The following TMPRSS15 variants were observed in gnomAD, a reference collection of about 807,000 sequenced individuals.
TMPRSS15 encodes enteropeptidase.
TMPRSS15 carries 128 observed loss-of-function variants against 125.3 expected under a neutral mutation model. The ratio of observed to expected loss-of-function variants is 1.02; its 90% CI spans 0.89 to 1.18. TMPRSS15 has a LOEUF of 1.18. TMPRSS15 is among the 50% of genes most tolerant of loss of function. The probability of loss-of-function intolerance (pLI) is 0.00; values close to 1 mark genes in which losing one functional copy is unlikely to be tolerated. For missense variants in TMPRSS15, 1,283 were observed against 1,212.7 expected, an observed-to-expected ratio of 1.06 and a Z score of -0.86; for synonymous variants, 446 against 423.2, an observed-to-expected ratio of 1.05 and a Z score of -0.66.
chr21:18,424,543 C>T (rs1174415955), intron 1 of TMPRSS15, among the ~76,000 whole-genome samples: 2 of 152,128 alleles, frequency 1.3e-5, no homozygotes, highest in Non-Finnish European at 2.9e-5. Flanking sequence ...TTCATAAAAG[C>T]CATCATGTTG....
intron 6 of TMPRSS15, among the ~76,000 whole-genome samples, chr21:18,365,644 TTCCTC>T (rs1429779603): frequency 1.8e-5 from 1 of 54,098 alleles, no homozygotes; most frequent in African/African-American, 6.1e-5. Flanking sequence ...CTCTCTCTTT[TTCCTC>T]CCTTCCTTCC....
chr21:18,320,401 A>AT (rs1265047349), intron 16 of TMPRSS15, among the ~76,000 whole-genome samples: 2 of 152,116 alleles, frequency 1.3e-5, no homozygotes, highest in Non-Finnish European at 2.9e-5. Context: ...TAAAAAATGA[A>AT]TTCTCAATGA....
At chr21:18,443,724 T>G (rs1280853710) in intron 1 of TMPRSS15, among the ~76,000 whole-genome samples, 1 of 152,198 alleles carries the variant, frequency 6.6e-6, no homozygotes, top group Admixed American at 6.5e-5. Context: ...CTGTCCGAAC[T>G]CAGCCAGTGG....
At chr21:18,285,762 C>A (rs940222287) in intron 21 of TMPRSS15, among the ~76,000 whole-genome samples, 1 of 152,082 alleles carries the variant, frequency 6.6e-6, no homozygotes, top group Non-Finnish European at 1.5e-5. Flanking sequence ...ATTATCATTA[C>A]CACAGTTAAA....
intron 1 of TMPRSS15, among the ~76,000 whole-genome samples, chr21:18,462,468 C>T (rs1356790538): frequency 1.3e-5 from 2 of 151,682 alleles, no homozygotes; most frequent in African/African-American, 4.8e-5. Context: ...AGATAAATCA[C>T]TATTAGACAT....
rs539902171 is a variant in TMPRSS15 at position 18,277,384 on chromosome 21, T to C, written c.2764+1580A>G. ...AATTTTGTTATTGGTTAATTTGTTT[T>C]TGAAGAGCCTACACTGTGGTCATAA... On this transcript the variant is annotated intron_variant, in intron 23 of 24. Transcript: ENST00000284885. Among the ~76,000 whole-genome samples the C allele has an allele frequency of 4.6e-5, 7 of 152,332 alleles. No homozygotes were observed. The South Asian group carries it at 8.3e-4, about 18-fold the overall frequency.
chr21:18,457,900 C>G (rs982130741), intron 1 of TMPRSS15, among the ~76,000 whole-genome samples: 1 of 152,138 alleles, frequency 6.6e-6, no homozygotes, highest in Non-Finnish European at 1.5e-5. Flanking sequence ...GAATAACCAA[C>G]TGATTTTGGG....
intron 24 of TMPRSS15, among the ~76,000 whole-genome samples, chr21:18,271,752 T>G (rs1380791471): frequency 1.3e-5 from 2 of 152,184 alleles, no homozygotes; most frequent in Middle Eastern, 3.4e-3. Context: ...CAACAGGCCC[T>G]GGTGTGTGTT....
chr21:18,361,780 T>G (rs2075681727), intron 7 of TMPRSS15, among the ~76,000 whole-genome samples: 1 of 152,074 alleles, frequency 6.6e-6, no homozygotes, highest in African/African-American at 2.4e-5. Context: ...CAATGGCAGC[T>G]ACTAGCAGGG....
upstream of TMPRSS15, among the ~76,000 whole-genome samples, chr21:18,405,541 A>G (rs938713461): frequency 6.6e-6 from 1 of 152,198 alleles, no homozygotes; most frequent in Non-Finnish European, 1.5e-5. Flanking sequence ...GTGTTGTATC[A>G]GTCCCAGCAA....
At chr21:18,359,964 A>C (rs2075664431) in intron 7 of TMPRSS15, 101 bp from the exon 8 acceptor site, 1 of 637,364 alleles carries the variant, frequency 1.6e-6, no homozygotes. Context: ...TGAACACCAC[A>C]TAATATGATA....
intron 4 of TMPRSS15, among the ~76,000 whole-genome samples, chr21:18,382,697 A>C (rs887001336): frequency 2.0e-5 from 3 of 152,166 alleles, no homozygotes; most frequent in Non-Finnish European, 2.9e-5. Flanking sequence ...CTAACTTTCT[A>C]ACATCCAAAA....
At chr21:18,318,507 A>G (rs1011893411) in intron 16 of TMPRSS15, among the ~76,000 whole-genome samples, 5 of 152,324 alleles carry the variant, frequency 3.3e-5, no homozygotes, top group African/African-American at 1.2e-4. Context: ...AAACAAAGAC[A>G]ATATTTCCAC....
At chr21:18,440,115 C>A (rs1187465421) in intron 1 of TMPRSS15, among the ~76,000 whole-genome samples, 2 of 152,014 alleles carry the variant, frequency 1.3e-5, no homozygotes, top group Non-Finnish European at 2.9e-5. Flanking sequence ...TGGCTCACGC[C>A]TGTAATCCCA....
intron 22 of TMPRSS15, among the ~76,000 whole-genome samples, chr21:18,279,694 AT>A (rs1196331399): frequency 6.6e-6 from 1 of 151,832 alleles, no homozygotes; most frequent in Non-Finnish European, 1.5e-5. Context: ...TTTATATTTT[AT>A]TTTTAAATAA....
chr21:18,379,201 A>C, intron 5 of TMPRSS15, 82 bp downstream of exon 5: 1 of 575,414 alleles, frequency 1.7e-6, no homozygotes, highest in Non-Finnish European at 2.7e-6. Flanking sequence ...CTAAGGCACC[A>C]GAGACTTCTC....
rs1256250901 is a variant in TMPRSS15, at chr21:18,358,480, A to G, written c.880+1277T>C. Among the ~76,000 whole-genome samples the G allele has an allele frequency of 2.0e-5, 3 of 151,928 alleles. No individual in the cohort carries two copies. In the East Asian group the frequency reaches 5.8e-4, roughly 29 times the overall value. On this transcript the variant is annotated intron_variant, in intron 8 of 24. Transcript: ENST00000284885. ...ATTTATGTTGATCATAATTTTAAAA[A>G]ACTGCATCTATCAGCTATAGAAATA...
chr21:18,457,438 G>T (rs549431826), intron 1 of TMPRSS15, among the ~76,000 whole-genome samples: 1 of 152,064 alleles, frequency 6.6e-6, no homozygotes, highest in Non-Finnish European at 1.5e-5. Flanking sequence ...ACGTTGGAAT[G>T]GGTGCTGATG....
At chr21:18,448,528 G>A (rs556013700) in intron 1 of TMPRSS15, among the ~76,000 whole-genome samples, 1 of 152,148 alleles carries the variant, frequency 6.6e-6, no homozygotes, top group East Asian at 1.9e-4. Context: ...CTATAAAGAT[G>A]CATACCATAT....
Sources: allele counts gnomAD v4.1 joint callset (sites outside exome capture counted in the v4.1 genomes callset), GRCh38; gene constraint gnomAD v4.1.1; transcripts MANE v1.5; gene names NCBI Gene and HGNC (gene_info 2026-07-23, HGNC 2026-07-21).